Variants in CDH2 observed in about 807,000 individuals in gnomAD.
CDH2 encodes cadherin 2, also known as cadherin-2.
A neutral mutation model predicts 92.0 loss-of-function variants in CDH2; 17 were observed. That is an observed-to-expected ratio of 0.18 (90% CI 0.13 to 0.28). The LOEUF (loss-of-function observed/expected upper bound fraction) is 0.28, where lower values mean the gene tolerates loss of function less well. Among genes scored for constraint, CDH2 ranks in the 10% least tolerant of loss-of-function variants. The pLI is 1.00. For missense variants in CDH2, 862 were observed against 1,133.1 expected, an observed-to-expected ratio of 0.76 and a Z score of 3.44; for synonymous variants, 419 against 415.9, an observed-to-expected ratio of 1.01 and a Z score of -0.09.
intron 2 of CDH2, among the ~76,000 whole-genome samples, chr18:28,140,279 C>T (rs544434920): frequency 6.6e-6 from 1 of 151,880 alleles, no homozygotes; most frequent in South Asian, 2.1e-4. Context: ...ATATCAAAAG[C>T]AAGAGTAACC....
chr18:28,027,586 A>G (rs1302532484), intron 2 of CDH2, among the ~76,000 whole-genome samples: 1 of 152,152 alleles, frequency 6.6e-6, no homozygotes, highest in Admixed American at 6.6e-5. Context: ...GGTATCAAAA[A>G]TATAAAATTT....
At chr18:27,981,928 T>C (rs1430557771) in intron 14 of CDH2, among the ~76,000 whole-genome samples, 1 of 152,334 alleles carries the variant, frequency 6.6e-6, no homozygotes, top group South Asian at 2.1e-4. Flanking sequence ...TTACCTGTCA[T>C]AGTGATTTCT....
chr18:27,958,560 T>C (rs1038364178), intron 15 of CDH2, among the ~76,000 whole-genome samples: 2 of 150,000 alleles, frequency 1.3e-5, no homozygotes, highest in Admixed American at 1.3e-4. Context: ...TGTATATTTA[T>C]ATATGTGTAT....
chr18:28,030,359 G>T (rs2013663057), intron 2 of CDH2, among the ~76,000 whole-genome samples: 1 of 151,986 alleles, frequency 6.6e-6, no homozygotes, highest in Non-Finnish European at 1.5e-5. Context: ...AAAATGTAGG[G>T]ATATAAAACC....
chr18:27,996,079 T>C (rs2012572036), intron 7 of CDH2, among the ~76,000 whole-genome samples: 1 of 152,164 alleles, frequency 6.6e-6, no homozygotes, highest in South Asian at 2.1e-4. Context: ...CTTCCTGCTC[T>C]ATATGGAATA....
At chr18:28,047,189 CA>C (rs1438002949) in intron 2 of CDH2, among the ~76,000 whole-genome samples, 1 of 151,842 alleles carries the variant, frequency 6.6e-6, no homozygotes, top group Non-Finnish European at 1.5e-5. Flanking sequence ...AACTAAGTTA[CA>C]AAAAAGCACC....
rs1567958912 is a variant in CDH2, at chr18:28,002,995, A to C, written c.1020+2T>G. 1 of 1,612,752 alleles carries C rather than the reference A, an allele frequency of 6.2e-7. No homozygotes were observed. The highest frequency in any genetic ancestry group is 8.5e-7 in the Non-Finnish European group (1 of 1,178,898). On this transcript the variant is annotated splice_donor_variant, in intron 7 of 15. Coordinates refer to ENST00000269141, the MANE Select transcript of CDH2 (RefSeq NM_001792.5). LOFTEE classifies it high-confidence loss of function. ...CACAAATAGAGTTTTTGGTTGGCTT[A>C]CTTCTCGATCAAGTCCAGCTGCCAC...
chr18:28,040,696 T>C (rs991722760), intron 2 of CDH2, among the ~76,000 whole-genome samples: 3 of 152,170 alleles, frequency 2.0e-5, no homozygotes, highest in Non-Finnish European at 4.4e-5. Flanking sequence ...CAAACCCTTA[T>C]ATAGCAAATA....
intron 2 of CDH2, among the ~76,000 whole-genome samples, chr18:28,069,308 G>C (rs772836500): frequency 6.6e-6 from 1 of 152,084 alleles, no homozygotes; most frequent in African/African-American, 2.4e-5. Context: ...ATCTAAAAAG[G>C]TCTATATGAT....
intron 2 of CDH2, among the ~76,000 whole-genome samples, chr18:28,071,650 C>T (rs1407816469): frequency 6.6e-6 from 1 of 152,206 alleles, no homozygotes; most frequent in Non-Finnish European, 1.5e-5. Context: ...AGTTGGCATG[C>T]ATTTTCTTAA....
At chr18:27,989,467 T>A (rs1327979341) in intron 10 of CDH2, among the ~76,000 whole-genome samples, 1 of 152,188 alleles carries the variant, frequency 6.6e-6, no homozygotes, top group Non-Finnish European at 1.5e-5. Flanking sequence ...TAGAAAGTTA[T>A]CTTTTAGCAG....
At chr18:28,161,579 CG>C (rs1741007736) in intron 1 of CDH2, among the ~76,000 whole-genome samples, 2 of 99,136 alleles carry the variant, frequency 2.0e-5, no homozygotes, top group Non-Finnish European at 1.9e-5. Context: ...AACCCTGTCT[CG>C]AAAAAAAAAA....
intron 6 of CDH2, among the ~76,000 whole-genome samples, chr18:28,004,124 T>C (rs1168884264): frequency 6.6e-6 from 1 of 152,230 alleles, no homozygotes; most frequent in Non-Finnish European, 1.5e-5. Context: ...ATTTTGATTA[T>C]GTGTCATCCC....
intron 7 of CDH2, among the ~76,000 whole-genome samples, chr18:28,000,107 G>A (rs1308561582): frequency 6.6e-6 from 1 of 152,036 alleles, no homozygotes; most frequent in African/African-American, 2.4e-5. Context: ...TTATAGCAGT[G>A]TGAGAACAGA....
intron 7 of CDH2, 117 bp from the exon 8 acceptor site, chr18:27,993,754 T>G: frequency 1.3e-6 from 1 of 777,270 alleles, no homozygotes; most frequent in East Asian, 2.5e-5. Context: ...TCATTCTGAT[T>G]AACATGACTT....
chr18:28,160,217 G>C (rs1461929448), intron 1 of CDH2, among the ~76,000 whole-genome samples: 2 of 151,894 alleles, frequency 1.3e-5, no homozygotes, highest in Admixed American at 1.3e-4. Flanking sequence ...TCCTAGAATA[G>C]AAAAGAGGCA....
chr18:27,956,048 T>G (rs2011238400), intron 15 of CDH2, among the ~76,000 whole-genome samples: 1 of 152,168 alleles, frequency 6.6e-6, no homozygotes, highest in African/African-American at 2.4e-5. Flanking sequence ...TCTAAAAAGA[T>G]CGCACTGAAG....
intron 2 of CDH2, among the ~76,000 whole-genome samples, chr18:28,142,579 T>C (rs2015972126): frequency 6.6e-6 from 1 of 150,588 alleles, no homozygotes; most frequent in African/African-American, 2.5e-5. Context: ...AAACAAAAAA[T>C]ACCCCAAGGT....
chr18:28,064,256 T>G (rs2014463086), intron 2 of CDH2, among the ~76,000 whole-genome samples: 1 of 152,144 alleles, frequency 6.6e-6, no homozygotes, highest in Non-Finnish European at 1.5e-5. Context: ...TTTTCTCATC[T>G]CTTTTTAAAA....
Sources: allele counts gnomAD v4.1 joint callset (sites outside exome capture counted in the v4.1 genomes callset), GRCh38; gene constraint gnomAD v4.1.1; transcripts MANE v1.5; gene names NCBI Gene and HGNC (gene_info 2026-07-23, HGNC 2026-07-21).